The following UPF1 variants were observed in gnomAD, a reference collection of about 807,000 sequenced individuals.
UPF1 encodes regulator of nonsense transcripts 1.
UPF1 carries 9 observed loss-of-function variants against 129.2 expected under a neutral mutation model. That is an observed-to-expected ratio of 0.07 (90% CI 0.04 to 0.12). The LOEUF (loss-of-function observed/expected upper bound fraction) is 0.12. Among genes scored for constraint, UPF1 ranks in the 10% least tolerant of loss-of-function variants. UPF1 has a pLI of 1.00. For synonymous variants in UPF1, 649 were observed against 644.9 expected (o/e 1.01, Z -0.10); for missense variants, 788 against 1,525.3 (o/e 0.52, Z 8.05).
chr19:18,862,173 A>C (rs766012581), intron 18 of UPF1, 21 bp downstream of exon 18: 6 of 1,611,082 alleles, frequency 3.7e-6, no homozygotes, highest in Middle Eastern at 3.3e-4. Flanking sequence ...TGCCTGCTGC[A>C]TGCTGCCCAG....
intron 1 of UPF1, among the ~76,000 whole-genome samples, chr19:18,837,786 G>T (rs187134234): frequency 2.4e-4 from 37 of 152,290 alleles, no homozygotes; most frequent in Admixed American, 2.1e-3. Flanking sequence ...ACTCCTGGTA[G>T]CCTGTGGGAG....
At chr19:18,858,920 G>C (rs777640334) in intron 15 of UPF1, among the ~76,000 whole-genome samples, 2 of 152,150 alleles carry the variant, frequency 1.3e-5, no homozygotes, top group East Asian at 1.9e-4. Context: ...GAGTGTAAAG[G>C]GTCCTGAAAG....
chr19:18,864,783 AAGCTGG>A (rs1458154694), intron 20 of UPF1, among the ~76,000 whole-genome samples: 1 of 118,186 alleles, frequency 8.5e-6, no homozygotes, highest in Non-Finnish European at 1.6e-5. Context: ...TCTGTTGCCC[AAGCTGG>A]AGTACAGTGG....
chr19:18,838,074 C>T (rs1568268784), intron 1 of UPF1, among the ~76,000 whole-genome samples: 1 of 152,230 alleles, frequency 6.6e-6, no homozygotes, highest in Non-Finnish European at 1.5e-5. Flanking sequence ...CTGACCTATC[C>T]TTGACTGTCC....
chr19:18,843,891 G>A (rs550629731), intron 1 of UPF1, among the ~76,000 whole-genome samples: 1 of 152,164 alleles, frequency 6.6e-6, no homozygotes, highest in East Asian at 1.9e-4. Context: ...GACTACAAGT[G>A]TGCGCCACCA....
rs1023386436 is a variant in UPF1, at chr19:18,865,030, C to T, written c.2858-259C>T. On this transcript the variant is annotated intron_variant, in intron 20 of 23. Coordinates refer to ENST00000262803, the MANE Select transcript of UPF1 (RefSeq NM_002911.4). The surrounding 1 kb of genome is among the most constrained non-coding windows in gnomAD (Gnocchi z 6.1). ...GATTATAGGCTTGAGCCAACACGCCCGGCCCCAATTTTCAGTTTTTAAGAT... is the reference window on the plus strand; with the variant it reads ...GATTATAGGCTTGAGCCAACACGCCTGGCCCCAATTTTCAGTTTTTAAGAT... Among the ~76,000 whole-genome samples, 25 of 152,308 alleles carry T rather than the reference C, an allele frequency of 1.6e-4. No individual in the cohort carries two copies. The highest frequency in any genetic ancestry group is 4.1e-4 in the African/African-American group (17 of 41,574).
chr19:18,850,894 G>C lies in UPF1; in HGVS notation c.810+26G>C, dbSNP rs372655380. 1 of 1,516,692 alleles carries C rather than the reference G, an allele frequency of 6.6e-7. No homozygotes were observed. The highest frequency in any genetic ancestry group is 8.9e-7 in the Non-Finnish European group (1 of 1,127,716). 94.0% of individuals were successfully genotyped at this position (1,516,692 alleles called of 1,614,324 possible). On this transcript the variant is annotated intron_variant, in intron 5 of 23. Coordinates refer to ENST00000262803, the MANE Select transcript of UPF1 (RefSeq NM_002911.4). The surrounding 1 kb of genome is among the most constrained non-coding windows in gnomAD (Gnocchi z 7.1). Reference sequence around the variant, plus strand: ...GTGGGGCTGCCCAGCGGGCCGACCCGTGCCTTCGTGTGGTTTCTGGTTGCG... The same window carrying C: ...GTGGGGCTGCCCAGCGGGCCGACCCCTGCCTTCGTGTGGTTTCTGGTTGCG...
At position 18,850,739 on chromosome 19, in the gene UPF1, G is replaced by T; in HGVS notation, c.681G>T (p.Ser227=). The T allele has an allele frequency of 1.2e-6, 2 of 1,610,948 alleles. No individual in the cohort carries two copies. The highest frequency in any genetic ancestry group is 1.7e-5 in the Admixed American group (1 of 59,930). ...SSLKDINWDS[S]QWQPLIQDRC... ...TCAAGGACATCAACTGGGACAGCTC[G>T]CAGTGGCAGCCGCTGATCCAGGACC... The change falls in exon 5 of 24, where the codon TCG becomes TCT. Residue 227 remains serine, a synonymous_variant. Coordinates refer to ENST00000262803, the MANE Select transcript of UPF1 (RefSeq NM_002911.4). The surrounding 1 kb of genome is among the most constrained non-coding windows in gnomAD (Gnocchi z 7.1).
intron 1 of UPF1, among the ~76,000 whole-genome samples, chr19:18,840,406 G>A (rs1316615202): frequency 6.6e-6 from 1 of 152,188 alleles, no homozygotes. Flanking sequence ...TCTCTCCGCT[G>A]GGGAGGCACC....
At chr19:18,840,982 C>T (rs1483686134) in intron 1 of UPF1, among the ~76,000 whole-genome samples, 1 of 152,218 alleles carries the variant, frequency 6.6e-6, no homozygotes, top group Non-Finnish European at 1.5e-5. Flanking sequence ...AGCATCAGCT[C>T]CTTGCAGAGC....
chr19:18,860,132 G>A, intron 15 of UPF1, 189 bp from the exon 16 acceptor site: 1 of 599,204 alleles, frequency 1.7e-6, no homozygotes, highest in Non-Finnish European at 3.0e-6. Flanking sequence ...CCTCTCCTCA[G>A]CCTTGCCCAA....
chr19:18,852,723 G>A (rs1304476417), intron 6 of UPF1, among the ~76,000 whole-genome samples: 2 of 134,324 alleles, frequency 1.5e-5, no homozygotes, highest in African/African-American at 5.5e-5. Context: ...CCCTCCCACA[G>A]CAGCTGCTCC....
rs556879447 is a variant in UPF1 at position 18,834,734 on chromosome 19, A to G, written c.231+2294A>G. On this transcript the variant is annotated intron_variant, in intron 1 of 23. Coordinates refer to ENST00000262803, the MANE Select transcript of UPF1 (RefSeq NM_002911.4). The stretch of plus-strand genomic sequence containing the variant: ...TATCATTCAAGGGAAAGCGGAAGAA[A>G]GTTATCTCTTGTGTGAATTGAAGGC... Among the ~76,000 whole-genome samples the G allele has an allele frequency of 7.2e-5, 11 of 152,314 alleles. No individual in the cohort carries two copies. The East Asian group carries it at 1.9e-3, about 27-fold the overall frequency.
chr19:18,835,347 C>T (rs1239252185), intron 1 of UPF1, among the ~76,000 whole-genome samples: 1 of 146,516 alleles, frequency 6.8e-6, no homozygotes, highest in Admixed American at 6.9e-5. Flanking sequence ...CATTTCATTC[C>T]TTTTTTTTTT....
chr19:18,852,347 T>A (rs1483236362), intron 6 of UPF1, 51 bp downstream of exon 6: 1 of 1,601,420 alleles, frequency 6.2e-7, no homozygotes, highest in Admixed American at 1.7e-5. Context: ...CTCTCACAGC[T>A]CTCTCCTCAG....
intron 11 of UPF1, chr19:18,855,471 G>A (rs550910917): frequency 3.3e-6 from 2 of 604,942 alleles, no homozygotes; most frequent in Non-Finnish European, 2.9e-6. Context: ...CTGGGGGCAG[G>A]GGGGGCATGG....
chr19:18,867,889 G>A lies in UPF1; in HGVS notation c.*1372G>A, dbSNP rs1385464615. Reference sequence around the variant, plus strand: ...CCTCCAGATTCCGGCTTCTACATGGGACAGACGGGGACGCACAGGCCACCT... The same window carrying A: ...CCTCCAGATTCCGGCTTCTACATGGAACAGACGGGGACGCACAGGCCACCT... On this transcript the variant is annotated 3_prime_UTR_variant, in exon 24 of 24. Coordinates refer to ENST00000262803, the MANE Select transcript of UPF1 (RefSeq NM_002911.4). 1 of 152,468 alleles carries A rather than the reference G, an allele frequency of 6.6e-6. No homozygotes were observed. Among genetic ancestry groups the A allele is most frequent in the Admixed American group, 6.5e-5 (1 of 15,296 alleles). The allele number at this position is 152,468 out of a possible 1,614,324, so 9.4% of individuals were successfully genotyped here.
chr19:18,832,413 C>CGCTGCG lies in UPF1; in HGVS notation c.207_212dup (p.Ala70_Ala71dup), dbSNP rs1478017448. ...GAGGCCCGGGCGGCGCGGGCGCGGG[C>CGCTGCG]GCTGCGGCGGGACAGCTCGACGCGC... On this transcript the variant is annotated inframe_insertion, in exon 1 of 24. Coordinates refer to ENST00000262803, the MANE Select transcript of UPF1 (RefSeq NM_002911.4). This position sits in a 1 kb window ranked among gnomAD's most constrained non-coding sequence, Gnocchi z 5.6. 4.3e-5 allele frequency: 43 copies of CGCTGCG among 999,034 alleles called. No individual in the cohort carries two copies. Among genetic ancestry groups the CGCTGCG allele is most frequent in the Non-Finnish European group, 5.0e-5 (42 of 839,916 alleles). 61.9% of individuals were successfully genotyped at this position (999,034 alleles called of 1,614,324 possible).
Position 18,853,294 on chromosome 19 carries a change from A to G in UPF1, c.1100A>G (p.Lys367Arg), listed in dbSNP as rs1418769244. Residue 367 changes from lysine to arginine, a missense_variant, in exon 8 of 24, where the codon AAA becomes AGA. This residue lies in a region of UPF1 where 227 missense variants were observed against 517.9 expected (regional missense o/e 0.44). Transcript: ENST00000262803. The surrounding 1 kb of genome is among the most constrained non-coding windows in gnomAD (Gnocchi z 4.4). ...MQGDEICLRY[K>R]GDLAPLWKGI... is the part of the protein sequence containing the mutation. The stretch of plus-strand genomic sequence containing the variant: ...GGGGATGAGATATGCCTGCGGTACA[A>G]AGGGGACCTTGCGCCCCTGTGGAAA... 3 of 1,613,304 alleles carry G rather than the reference A, an allele frequency of 1.9e-6. No individual in the cohort carries two copies. The highest frequency in any genetic ancestry group is 1.7e-6 in the Non-Finnish European group (2 of 1,179,566).
Sources: gnomAD v4.1 joint callset for allele counts (sites outside exome capture counted in the v4.1 genomes callset) on GRCh38, gnomAD v4.1.1 for gene constraint, gnomAD v4.1.1 regional missense constraint, Gnocchi (gnomAD v3.1) non-coding constraint, MANE v1.5 for transcripts, NCBI Gene and HGNC (gene_info 2026-07-23, HGNC 2026-07-21) for gene names.